The following KDM4C variants were observed in gnomAD, a reference collection of about 807,000 sequenced individuals.
The protein encoded by KDM4C is lysine demethylase 4C.
Under a neutral mutation model 129.3 loss-of-function variants are expected in KDM4C, and 81 were observed. The observed-to-expected ratio is 0.63, with a 90% CI of 0.52 to 0.75. KDM4C has a LOEUF of 0.75. Ranked by LOEUF, KDM4C falls within the 30% of genes least tolerant of loss-of-function variation. KDM4C has a pLI of 0.00. For synonymous variants in KDM4C, 573 were observed against 456.1 expected (o/e 1.26, Z -3.26); for missense variants, 1,457 against 1,304.0 (o/e 1.12, Z -1.81).
chr9:6,974,467 C>T (rs1832597410), intron 8 of KDM4C, among the ~76,000 whole-genome samples: 1 of 152,210 alleles, frequency 6.6e-6, no homozygotes, highest in Non-Finnish European at 1.5e-5. Flanking sequence ...TCAAGCAGTT[C>T]TCCTGCCTGT....
intron 1 of KDM4C, among the ~76,000 whole-genome samples, chr9:6,749,986 CAAAAAAAAAA>C (rs57999664): frequency 5.4e-5 from 3 of 55,604 alleles, no homozygotes; most frequent in Non-Finnish European, 1.3e-4. Context: ...AACTCCTTCT[CAAAAAAAAAA>C]AAAAAAAAAA....
chr9:6,843,668 G>A lies in KDM4C; in HGVS notation c.436-5839G>A, dbSNP rs567345458. ...TTGGTGAGTGGTGGAGCCAGCATTT[G>A]GTTGGAGAACTTTTGATTCCAGTGC... On this transcript the variant is annotated intron_variant, in intron 4 of 21. Coordinates refer to ENST00000381309, the MANE Select transcript of KDM4C (RefSeq NM_015061.6). Among the ~76,000 whole-genome samples, 3 of 152,172 alleles carry A rather than the reference G, an allele frequency of 2.0e-5. No individual in the cohort carries two copies. The East Asian group carries it at 5.8e-4, about 29-fold the overall frequency.
intron 5 of KDM4C, among the ~76,000 whole-genome samples, chr9:6,860,604 A>G (rs1335007196): frequency 6.6e-6 from 1 of 152,198 alleles, no homozygotes; most frequent in Non-Finnish European, 1.5e-5. Flanking sequence ...TATGCCTGCA[A>G]TCCTAAAATA....
intron 15 of KDM4C, among the ~76,000 whole-genome samples, chr9:7,032,196 A>T (rs1400082253): frequency 6.6e-6 from 1 of 152,208 alleles, no homozygotes; most frequent in Non-Finnish European, 1.5e-5. Flanking sequence ...ATTGAGCGTA[A>T]TTCCTGTAGA....
rs147688524 is a variant in KDM4C at position 6,830,344 on chromosome 9, C to G, written c.435+15599C>G. Among the ~76,000 whole-genome samples the G allele has an allele frequency of 5.3e-5, 8 of 152,276 alleles. No individual in the cohort carries two copies. The East Asian group carries it at 1.5e-3, about 29-fold the overall frequency. The stretch of plus-strand genomic sequence containing the variant: ...TGCCCAAGGGTAGAGAGCAGCAGGT[C>G]TGGCTGAGATGAGGGAGGTCGTGGA... On this transcript the variant is annotated intron_variant, in intron 4 of 21. Coordinates refer to ENST00000381309, the MANE Select transcript of KDM4C (RefSeq NM_015061.6).
At chr9:6,877,642 G>T (rs1843768637) in intron 5 of KDM4C, among the ~76,000 whole-genome samples, 1 of 152,154 alleles carries the variant, frequency 6.6e-6, no homozygotes, top group Non-Finnish European at 1.5e-5. Flanking sequence ...AAGATTTTGG[G>T]GTTGTCAAGA....
At chr9:6,997,337 T>A (rs1479988772) in intron 12 of KDM4C, among the ~76,000 whole-genome samples, 1 of 152,150 alleles carries the variant, frequency 6.6e-6, no homozygotes, top group Non-Finnish European at 1.5e-5. Context: ...CTTAAAAGCC[T>A]ACACCTTTAC....
chr9:7,127,419 T>C (rs918405800), intron 18 of KDM4C, among the ~76,000 whole-genome samples: 21 of 152,142 alleles, frequency 1.4e-4, no homozygotes, highest in Non-Finnish European at 2.6e-4. Context: ...ATCACCTATT[T>C]GGGATTCTGG....
At chr9:7,043,039 T>G (rs1828853702) in intron 15 of KDM4C, among the ~76,000 whole-genome samples, 1 of 152,066 alleles carries the variant, frequency 6.6e-6, no homozygotes. Context: ...AGAAAAAGTT[T>G]GATAACCATT....
At chr9:7,173,308 G>A (rs947823678) in intron 21 of KDM4C, among the ~76,000 whole-genome samples, 2 of 152,212 alleles carry the variant, frequency 1.3e-5, no homozygotes, top group Non-Finnish European at 2.9e-5. Context: ...GAGAAGCATG[G>A]GGCCCTGAGC....
At position 6,809,736 on chromosome 9, in the gene KDM4C, C is replaced by G. The variant is rs541820296; in HGVS notation, c.320+3962C>G. On this transcript the variant is annotated intron_variant, in intron 3 of 21. Transcript: ENST00000381309. ...AAAATAGGCTGGTTGTGGTGGCTCA[C>G]ACTTGTAATCCCAGCACTTTGGGAA... Among the ~76,000 whole-genome samples, 32 of 152,252 alleles carry G rather than the reference C, an allele frequency of 2.1e-4. No individual in the cohort carries two copies. In the East Asian group the frequency reaches 5.8e-3, roughly 28 times the overall value.
At chr9:7,103,593 T>TG in intron 17 of KDM4C, 92 bp from the exon 18 acceptor site, 1 of 955,720 alleles carries the variant, frequency 1.0e-6, no homozygotes, top group African/African-American at 1.7e-5. Flanking sequence ...TTTTTTTTTT[T>TG]TTCTTCTCTA....
chr9:6,860,524 C>T (rs1006300746), intron 5 of KDM4C, among the ~76,000 whole-genome samples: 7 of 152,090 alleles, frequency 4.6e-5, no homozygotes, highest in Non-Finnish European at 8.8e-5. Flanking sequence ...AGGCTTAATA[C>T]CTGGGTGATG....
chr9:6,736,763 A>T (rs1817538922), intron 1 of KDM4C, among the ~76,000 whole-genome samples: 1 of 152,198 alleles, frequency 6.6e-6, no homozygotes, highest in Non-Finnish European at 1.5e-5. Flanking sequence ...TACAGAAATC[A>T]GTATCCACCA....
At chr9:6,870,403 C>G (rs956741560) in intron 5 of KDM4C, among the ~76,000 whole-genome samples, 2 of 151,664 alleles carry the variant, frequency 1.3e-5, no homozygotes, top group Non-Finnish European at 2.9e-5. Flanking sequence ...TAAGATAGGT[C>G]TGGGGTTAGG....
At chr9:7,006,670 C>T (rs1333571763) in intron 12 of KDM4C, among the ~76,000 whole-genome samples, 1 of 152,054 alleles carries the variant, frequency 6.6e-6, no homozygotes, top group African/African-American at 2.4e-5. Flanking sequence ...AGCTGGCACA[C>T]ATATAAATCA....
intron 1 of KDM4C, among the ~76,000 whole-genome samples, chr9:6,769,342 T>A (rs1821295095): frequency 6.6e-6 from 1 of 152,260 alleles, no homozygotes; most frequent in East Asian, 1.9e-4. Context: ...TTTTTCCTTT[T>A]TTTCTTCTCT....
chr9:7,084,181 G>C (rs565710315), intron 17 of KDM4C, among the ~76,000 whole-genome samples: 34 of 152,322 alleles, frequency 2.2e-4, no homozygotes, highest in African/African-American at 7.5e-4. Context: ...CACAGGTGTT[G>C]ACGACCTGTG....
Position 6,987,133 on chromosome 9 carries a change from C to G in KDM4C, c.1677+467C>G, listed in dbSNP as rs117195060. 8.8e-3 allele frequency among the ~76,000 whole-genome samples: 1,338 copies of G among 152,278 alleles called. 17 individuals are homozygous for G. Among genetic ancestry groups the G allele is most frequent in the South Asian group, 0.029 (142 of 4,830 alleles). On this transcript the variant is annotated intron_variant, in intron 11 of 21. Transcript: ENST00000381309. ...TCATCTGCTGGGCACTGATCACTTT[C>G]TGCCAATAGTTAATACCTCCTGGTC...
Sources: allele counts gnomAD v4.1 joint callset (sites outside exome capture counted in the v4.1 genomes callset), GRCh38; gene constraint gnomAD v4.1.1; transcripts MANE v1.5; gene names NCBI Gene and HGNC (gene_info 2026-07-23, HGNC 2026-07-21).